Variants in ASF1B observed in about 807,000 individuals in gnomAD.
The protein encoded by ASF1B is histone chaperone ASF1B.
In ASF1B, 10 loss-of-function variants were observed where a neutral mutation model predicts 16.6. That is an observed-to-expected ratio of 0.60 (90% CI 0.37 to 1.02). The LOEUF is 1.02. Among genes scored for constraint, ASF1B ranks in the 50% least tolerant of loss-of-function variants. The probability of loss-of-function intolerance (pLI) is 0.01; values close to 1 mark genes in which losing one functional copy is unlikely to be tolerated. For missense variants in ASF1B, 240 were observed against 266.0 expected (o/e 0.90, Z 0.68); for synonymous variants, 101 against 106.2 (o/e 0.95, Z 0.30).
chr19:14,130,813 A>AG (rs1967392706), intron 1 of ASF1B, among the ~76,000 whole-genome samples: 1 of 150,882 alleles, frequency 6.6e-6, no homozygotes, highest in Non-Finnish European at 1.5e-5. Flanking sequence ...ATATATATAA[A>AG]TGATAAGACT....
chr19:14,124,369 AG>A (rs1967287501), intron 2 of ASF1B, among the ~76,000 whole-genome samples: 1 of 151,758 alleles, frequency 6.6e-6, no homozygotes, highest in Admixed American at 6.6e-5. Context: ...GGCCCAGGCT[AG>A]TCTGGAACTC....
chr19:14,124,562 G>A (rs1967289892), intron 2 of ASF1B, among the ~76,000 whole-genome samples: 1 of 152,176 alleles, frequency 6.6e-6, no homozygotes, highest in African/African-American at 2.4e-5. Flanking sequence ...AAGTTTATTT[G>A]TAACCCCAAG....
Position 14,120,202 on chromosome 19 carries a change from T to G in ASF1B, c.*257A>C. The stretch of plus-strand genomic sequence containing the variant: ...AGTGGCACAGTGGCCTTAGTTAGAA[T>G]TTATGAAGACGAAAAGAACACAAGT... On this transcript the variant is annotated 3_prime_UTR_variant, in exon 4 of 4. Transcript: ENST00000263382. 2.2e-6 allele frequency: 1 copy of G among 460,932 alleles called. No individual in the cohort carries two copies. The highest frequency in any genetic ancestry group is 3.8e-6 in the Non-Finnish European group (1 of 260,518). 28.6% of individuals were successfully genotyped at this position (460,932 alleles called of 1,614,324 possible).
At position 14,126,204 on chromosome 19, in the gene ASF1B, G is replaced by C; in HGVS notation, c.143C>G (p.Ala48Gly). 6.2e-7 allele frequency: 1 copy of C among 1,613,468 alleles called. No individual in the cohort carries two copies. The highest frequency in any genetic ancestry group is 8.5e-7 in the Non-Finnish European group (1 of 1,179,972). Residue 48 changes from alanine (A) to glycine (G), a missense_variant, in exon 2 of 4, where the codon GCT becomes GGT. Transcript: ENST00000263382. ...LEWKIIYVGS[A>G]ESEEFDQILD... ...GATCTGATCAAATTCCTCACTCTCA[G>C]CCGAGCCAACATAAATGATCTTCCA...
chr19:14,120,325 T>C lies in ASF1B; in HGVS notation c.*134A>G, dbSNP rs1057000732. 4 of 850,122 alleles carry C rather than the reference T, an allele frequency of 4.7e-6. No individual in the cohort carries two copies. The highest frequency in any genetic ancestry group is 2.9e-5 in the Admixed American group (1 of 34,890). The allele number at this position is 850,122 out of a possible 1,614,324, so 52.7% of individuals were successfully genotyped here. The stretch of plus-strand genomic sequence containing the variant: ...ACTAGGGGAGACCCAAGGCCTGTTC[T>C]TTCCTAGGGGCTGAGTTTGACAGAC... On this transcript the variant is annotated 3_prime_UTR_variant, in exon 4 of 4. Transcript: ENST00000263382.
At chr19:14,121,292 T>C in intron 3 of ASF1B, 1 of 452,026 alleles carries the variant, frequency 2.2e-6, no homozygotes, top group Non-Finnish European at 3.9e-6. Flanking sequence ...TTTTTTTTTT[T>C]TTTTGCGGGG....
Position 14,126,152 on chromosome 19 carries a change from C to T in ASF1B, c.195G>A (p.Val65=). The change falls in exon 2 of 4, where the codon GTG becomes GTA. Residue 65 remains valine (V), a synonymous_variant. Transcript: ENST00000263382. ...AGACAAACATGTGTCTCCCTGCTGG[C>T]ACAGGGCCCACCAGCACCGAGTCTA... ...QILDSVLVGP[V]PAGRHMFVFQ... 1 of 1,607,026 alleles carries T rather than the reference C, an allele frequency of 6.2e-7. No homozygotes were observed.
At chr19:14,126,065 TA>T in intron 2 of ASF1B, 56 bp downstream of exon 2, 1 of 1,361,466 alleles carries the variant, frequency 7.3e-7, no homozygotes, top group Non-Finnish European at 1.0e-6. Flanking sequence ...GGATTTCAGG[TA>T]AAAGAGGATG....
chr19:14,129,960 G>A (rs1296658041), intron 1 of ASF1B, among the ~76,000 whole-genome samples: 1 of 147,834 alleles, frequency 6.8e-6, no homozygotes, highest in Non-Finnish European at 1.5e-5. Context: ...AACTGAGATC[G>A]TGCCTCTGCA....
chr19:14,131,690 G>T (rs1216729915), intron 1 of ASF1B, among the ~76,000 whole-genome samples: 1 of 151,368 alleles, frequency 6.6e-6, no homozygotes, highest in Non-Finnish European at 1.5e-5. Flanking sequence ...CACCATGTTG[G>T]CCAGGCTGGT....
chr19:14,130,733 C>T (rs1967389473), intron 1 of ASF1B, among the ~76,000 whole-genome samples: 1 of 151,294 alleles, frequency 6.6e-6, no homozygotes, highest in Admixed American at 6.6e-5. Flanking sequence ...TCTCTCTGCG[C>T]TAACTTCACA....
In ASF1B at chr19:14,120,089, G is replaced by A. The variant is rs1967209992; in HGVS notation, c.*370C>T. ...AAGCCTTTGGCTCAGCAGGACTGGA[G>A]CCTTGACAGGCACTGACCAAGAAAG... On this transcript the variant is annotated 3_prime_UTR_variant, in exon 4 of 4. Coordinates refer to ENST00000263382, the MANE Select transcript of ASF1B (RefSeq NM_018154.3). 4.7e-6 allele frequency: 1 copy of A among 212,404 alleles called. No homozygotes were observed. 13.2% of individuals were successfully genotyped at this position (212,404 alleles called of 1,614,324 possible). A position where few individuals can be genotyped will look rare whatever the true frequency, so the allele number is the denominator to read the frequency against.
Position 14,129,357 on chromosome 19 carries a change from G to A in ASF1B, c.110-3120C>T, listed in dbSNP as rs907733040. 1.1e-3 allele frequency among the ~76,000 whole-genome samples: 174 copies of A among 152,174 alleles called. 1 individual carries two copies. The highest frequency in any genetic ancestry group is 2.8e-4 in the Non-Finnish European group (19 of 68,004). ...GAAAGAAACTGGAGAATTAACTAAC[G>A]GCTGTAGAGAAATACTGACTCAAGA... On this transcript the variant is annotated intron_variant, in intron 1 of 3. Coordinates refer to ENST00000263382, the MANE Select transcript of ASF1B (RefSeq NM_018154.3).
At chr19:14,134,949 C>T (rs1967464213) in intron 1 of ASF1B, among the ~76,000 whole-genome samples, 1 of 151,500 alleles carries the variant, frequency 6.6e-6, no homozygotes, top group Admixed American at 6.6e-5. Flanking sequence ...GAAGACGGGG[C>T]ACGGTGGCTC....
rs1281515975 is a variant in ASF1B at position 14,136,524 on chromosome 19, G to A, written c.-68C>T. 4 of 1,452,478 alleles carry A rather than the reference G, an allele frequency of 2.8e-6. No individual in the cohort carries two copies. The highest frequency in any genetic ancestry group is 2.4e-5 in the South Asian group (2 of 81,880). 90.0% of individuals were successfully genotyped at this position (1,452,478 alleles called of 1,614,324 possible). A position where few individuals can be genotyped will look rare whatever the true frequency, so the allele number is the denominator to read the frequency against. The stretch of plus-strand genomic sequence containing the variant: ...TGTGGCGGAGGCCGCGCCTGGGTCC[G>A]GTGGGGTCAGTGGGGTAGGGCTGAC... On this transcript the variant is annotated 5_prime_UTR_variant, in exon 1 of 4. Transcript: ENST00000263382.
At chr19:14,133,105 G>A (rs1967431247) in intron 1 of ASF1B, among the ~76,000 whole-genome samples, 1 of 150,578 alleles carries the variant, frequency 6.6e-6, no homozygotes, top group East Asian at 2.0e-4. Flanking sequence ...GGGTGACACA[G>A]CGAGACTCCA....
chr19:14,124,814 T>C lies in ASF1B; in HGVS notation c.225+1308A>G, dbSNP rs1967294077. On this transcript the variant is annotated intron_variant, in intron 2 of 3. Transcript: ENST00000263382. ...TTTTTGTTGGTGAGTTTGCTGTCTA[T>C]GATGGCACCCAACGGTAGTGCTGAA... Among the ~76,000 whole-genome samples, 3 of 152,216 alleles carry C rather than the reference T, an allele frequency of 2.0e-5. No homozygotes were observed. The South Asian group carries it at 6.2e-4, about 31-fold the overall frequency.
intron 1 of ASF1B, among the ~76,000 whole-genome samples, chr19:14,128,614 A>G (rs1437456920): frequency 6.6e-6 from 1 of 152,210 alleles, no homozygotes; most frequent in East Asian, 1.9e-4. Flanking sequence ...AGCTGGGACC[A>G]CAGGCTTGTG....
intron 3 of ASF1B, chr19:14,121,157 G>A (rs1173811378): frequency 5.8e-6 from 2 of 341,970 alleles, no homozygotes; most frequent in Non-Finnish European, 1.0e-5. Context: ...GTCTCACTCT[G>A]TTGGTCAGGC....
Sources: gnomAD v4.1 joint callset for allele counts (sites outside exome capture counted in the v4.1 genomes callset) on GRCh38, gnomAD v4.1.1 for gene constraint, MANE v1.5 for transcripts, NCBI Gene and HGNC (gene_info 2026-07-23, HGNC 2026-07-21) for gene names.